Variants in BTAF1 observed in about 807,000 individuals in gnomAD.
BTAF1 encodes the protein TATA-binding protein-associated factor 172.
In BTAF1, 38 loss-of-function variants were observed where a neutral mutation model predicts 227.1. The observed-to-expected ratio is 0.17, with a 90% CI of 0.13 to 0.22. The LOEUF is 0.22. Among genes scored for constraint, BTAF1 ranks in the 10% least tolerant of loss-of-function variants. The probability of loss-of-function intolerance (pLI) is 1.00; values close to 1 mark genes in which losing one functional copy is unlikely to be tolerated. For synonymous variants in BTAF1, 742 were observed against 751.9 expected (o/e 0.99, Z 0.21); for missense variants, 1,598 against 2,204.0 (o/e 0.73, Z 5.51).
Position 92,030,576 on chromosome 10 carries a change from T to C in BTAF1, c.*1643T>C, listed in dbSNP as rs561593474. Among the ~76,000 whole-genome samples, 18 of 152,280 alleles carry C rather than the reference T, an allele frequency of 1.2e-4. No individual in the cohort carries two copies. The highest frequency in any genetic ancestry group is 3.8e-4 in the African/African-American group (16 of 41,582). On this transcript the variant is annotated 3_prime_UTR_variant, in exon 38 of 38. Transcript: ENST00000265990. ...ACAGAGCAATATATCATTAAAGGGC[T>C]ATGAAGGGGCAAAAGAAATCACACC...
At position 92,003,485 on chromosome 10, in the gene BTAF1, T is replaced by C. The variant is rs560414628; in HGVS notation, c.3661-4638T>C. Among the ~76,000 whole-genome samples, 21 of 152,324 alleles carry C rather than the reference T, an allele frequency of 1.4e-4. No homozygotes were observed. In the East Asian group the frequency reaches 3.5e-3, roughly 25 times the overall value. ...GTTTGACATTTTAGATTTCCACATA[T>C]AAGTGAGATCACATATTTGTCTTTC... On this transcript the variant is annotated intron_variant, in intron 25 of 37. Coordinates refer to ENST00000265990, the MANE Select transcript of BTAF1 (RefSeq NM_003972.3).
chr10:91,952,555 C>T (rs1460286168), intron 5 of BTAF1, among the ~76,000 whole-genome samples: 3 of 152,184 alleles, frequency 2.0e-5, no homozygotes, highest in Admixed American at 6.5e-5. Context: ...AATCTCCTGT[C>T]TTGTCATTCC....
At chr10:92,020,279 A>G (rs2134161124) in intron 34 of BTAF1, among the ~76,000 whole-genome samples, 1 of 152,088 alleles carries the variant, frequency 6.6e-6, no homozygotes, top group South Asian at 2.1e-4. Context: ...TTGGAACTGC[A>G]TACTCTATCA....
rs1004953160 is a variant in BTAF1, at chr10:91,996,388, A to G, written c.3329A>G (p.His1110Arg). Reference protein sequence around the residue: ...LHPLLVQHLPHLYMCLQYPST... With the variant: ...LHPLLVQHLPRLYMCLQYPST... ...TTTTAGTTGGTCCAGCATTTGCCAC[A>G]TCTTTATATGTGCCTTCAATACCCC... Residue 1110 changes from histidine to arginine, a missense_variant, in exon 24 of 38, where the codon CAT (histidine) becomes CGT (arginine). His to Arg is a conservative substitution (Grantham distance 29). Around this residue, in one of 10 missense-constraint regions of BTAF1, gnomAD observed 425 missense variants for 491.2 expected, o/e 0.87. Coordinates refer to ENST00000265990, the MANE Select transcript of BTAF1 (RefSeq NM_003972.3). 6.2e-7 allele frequency: 1 copy of G among 1,614,084 alleles called. No individual in the cohort carries two copies. The highest frequency in any genetic ancestry group is 8.5e-7 in the Non-Finnish European group (1 of 1,180,008).
chr10:91,960,592 T>G (rs1417993213), intron 11 of BTAF1, among the ~76,000 whole-genome samples: 9 of 151,852 alleles, frequency 5.9e-5, no homozygotes, highest in Admixed American at 5.9e-4. Context: ...TCAGTGTTTT[T>G]TTTTTTTTTT....
chr10:91,967,893 G>A (rs540786355), intron 14 of BTAF1, among the ~76,000 whole-genome samples: 1 of 152,020 alleles, frequency 6.6e-6, no homozygotes, highest in East Asian at 1.9e-4. Context: ...ATTTTTAATA[G>A]CAGTTTTAGA....
At chr10:92,002,655 G>C (rs1322292863) in intron 25 of BTAF1, among the ~76,000 whole-genome samples, 1 of 152,124 alleles carries the variant, frequency 6.6e-6, no homozygotes, top group Non-Finnish European at 1.5e-5. Context: ...AGCAGATAAA[G>C]TTAATTCCAA....
At chr10:91,940,956 C>T (rs893208818) in intron 3 of BTAF1, among the ~76,000 whole-genome samples, 1 of 152,134 alleles carries the variant, frequency 6.6e-6, no homozygotes, top group Admixed American at 6.5e-5. Context: ...AGCTGAGGCC[C>T]ACGTCAGCCT....
intron 14 of BTAF1, among the ~76,000 whole-genome samples, chr10:91,972,238 T>C (rs1847353145): frequency 6.6e-6 from 1 of 152,178 alleles, no homozygotes; most frequent in South Asian, 2.1e-4. Context: ...CTTGTCAACA[T>C]TTTCCCCTAA....
At chr10:91,971,331 A>G (rs1464493279) in intron 14 of BTAF1, among the ~76,000 whole-genome samples, 2 of 152,222 alleles carry the variant, frequency 1.3e-5, no homozygotes, top group Non-Finnish European at 2.9e-5. Flanking sequence ...GCTGTTTATT[A>G]TCTTCACCAC....
intron 4 of BTAF1, among the ~76,000 whole-genome samples, chr10:91,949,895 G>T (rs946166372): frequency 6.6e-6 from 1 of 152,128 alleles, no homozygotes; most frequent in African/African-American, 2.4e-5. Context: ...CAGCGCTTTG[G>T]TAGGCCAAGG....
chr10:92,007,980 CAAT>C, intron 25 of BTAF1, 140 bp from the exon 26 acceptor site: 1 of 718,850 alleles, frequency 1.4e-6, no homozygotes, highest in Non-Finnish European at 2.2e-6. Context: ...TAATGCTTGT[CAAT>C]TTCTTTAACC....
chr10:91,964,333 C>G (rs1211863024), intron 13 of BTAF1, 132 bp downstream of exon 13: 1 of 1,048,232 alleles, frequency 9.5e-7, no homozygotes, highest in Admixed American at 2.9e-5. Context: ...CAAAGACTAC[C>G]GTTTTCAGAA....
At chr10:91,931,507 A>G (rs1008266746) in intron 1 of BTAF1, among the ~76,000 whole-genome samples, 3 of 152,188 alleles carry the variant, frequency 2.0e-5, no homozygotes, top group Non-Finnish European at 4.4e-5. Context: ...GTTTTAGCCA[A>G]AAGTAGTATG....
chr10:92,028,663 C>A, intron 37 of BTAF1, 127 bp from the exon 38 acceptor site: 2 of 867,956 alleles, frequency 2.3e-6, no homozygotes, highest in East Asian at 3.0e-5. Context: ...ATGAATTTCC[C>A]CATCACTTGA....
At chr10:91,947,226 T>G (rs4933703) in intron 4 of BTAF1, among the ~76,000 whole-genome samples, 53,641 of 152,090 alleles carry the variant, frequency 0.35, 10,884 homozygotes, top group African/African-American at 0.57. Context: ...TAAATTTTTA[T>G]GAAGTCCAAT....
rs912398447 is a variant in BTAF1 at position 91,924,019 on chromosome 10, G to T, written c.-58G>T. The T allele has an allele frequency of 9.5e-6, 15 of 1,585,372 alleles. No individual in the cohort carries two copies. Among genetic ancestry groups the T allele is most frequent in the Non-Finnish European group, 1.2e-5 (14 of 1,169,096 alleles). ...GCGCCGCTCAGCTCTCTGGAAACTA[G>T]CGCCTCAGCTGCGCGGCGCGTAGGT... On this transcript the variant is annotated 5_prime_UTR_variant, in exon 1 of 38. Transcript: ENST00000265990.
At chr10:91,943,393 C>T (rs1431684910) in intron 4 of BTAF1, among the ~76,000 whole-genome samples, 1 of 152,094 alleles carries the variant, frequency 6.6e-6, no homozygotes, top group African/African-American at 2.4e-5. Flanking sequence ...TATAAAATTA[C>T]TGTTTTGGCG....
intron 20 of BTAF1, among the ~76,000 whole-genome samples, chr10:91,991,893 G>T (rs1848818440): frequency 6.6e-6 from 1 of 150,776 alleles, no homozygotes; most frequent in African/African-American, 2.4e-5. Flanking sequence ...TTCATGTGCT[G>T]TTTCTCATTG....
Sources: allele counts gnomAD v4.1 joint callset (sites outside exome capture counted in the v4.1 genomes callset), GRCh38; gene constraint gnomAD v4.1.1; regional missense constraint gnomAD v4.1.1; transcripts MANE v1.5; gene names NCBI Gene and HGNC (gene_info 2026-07-23, HGNC 2026-07-21).